MAST4: variants seen among roughly 807,000 people sequenced by gnomAD.
The protein encoded by MAST4 is microtubule associated serine/threonine kinase family member 4.
A neutral mutation model predicts 162.7 loss-of-function variants in MAST4; 89 were observed. That is an observed-to-expected ratio of 0.55 (90% CI 0.46 to 0.65). MAST4 has a LOEUF of 0.65. Ranked by LOEUF, MAST4 falls within the 30% of genes least tolerant of loss-of-function variation. MAST4 has a pLI of 0.00. For synonymous variants in MAST4, 1,479 were observed against 1,361.1 expected (o/e 1.09, Z -1.91); for missense variants, 3,153 against 3,374.0 (o/e 0.93, Z 1.62).
In MAST4 at chr5:66,825,475, G is replaced by A. The variant is rs139425928; in HGVS notation, c.642+36681G>A. Among the ~76,000 whole-genome samples the A allele has an allele frequency of 6.1e-3, 929 of 152,250 alleles. 8 individuals carry two copies. The highest frequency in any genetic ancestry group is 0.021 in the African/African-American group (884 of 41,524). On this transcript the variant is annotated intron_variant, in intron 3 of 28. Coordinates refer to ENST00000403625, the MANE Select transcript of MAST4 (RefSeq NM_001164664.2). ...GACTGCATGTGAAAAATATCTGGCCGTGTAAATCAGAGGGGAACCCATATC... is the reference window on the plus strand; with the variant it reads ...GACTGCATGTGAAAAATATCTGGCCATGTAAATCAGAGGGGAACCCATATC...
intron 4 of MAST4, among the ~76,000 whole-genome samples, chr5:66,954,314 C>A (rs1745041242): frequency 6.6e-6 from 1 of 152,166 alleles, no homozygotes; most frequent in African/African-American, 2.4e-5. Flanking sequence ...TCTCCATTTT[C>A]TTAAGACCAC....
chr5:66,899,949 A>G lies in MAST4; in HGVS notation c.643-2A>G. 6.6e-7 allele frequency: 1 copy of G among 1,514,938 alleles called. No individual in the cohort carries two copies. Among genetic ancestry groups the G allele is most frequent in the Non-Finnish European group, 8.8e-7 (1 of 1,134,088 alleles). 93.8% of individuals were successfully genotyped at this position (1,514,938 alleles called of 1,614,324 possible). A position where few individuals can be genotyped will look rare whatever the true frequency, so the allele number is the denominator to read the frequency against. ...TATATATGGTTTTTTTTTCTTTTGCAGAAGGAGCTGAGTCTCCCCAGAAGA... is the reference window on the plus strand; with the variant it reads ...TATATATGGTTTTTTTTTCTTTTGCGGAAGGAGCTGAGTCTCCCCAGAAGA... On this transcript the variant is annotated splice_acceptor_variant, in intron 3 of 28. Coordinates refer to ENST00000403625, the MANE Select transcript of MAST4 (RefSeq NM_001164664.2). LOFTEE classifies it high-confidence loss of function.
At chr5:66,901,994 T>A (rs1386928412) in intron 4 of MAST4, among the ~76,000 whole-genome samples, 1 of 152,150 alleles carries the variant, frequency 6.6e-6, no homozygotes, top group Non-Finnish European at 1.5e-5. Flanking sequence ...CAAATATATC[T>A]TTATTAGTAT....
At chr5:66,985,758 A>G (rs1239406383) in intron 4 of MAST4, among the ~76,000 whole-genome samples, 1 of 152,192 alleles carries the variant, frequency 6.6e-6, no homozygotes, top group Admixed American at 6.5e-5. Context: ...GAAGGTAAAA[A>G]TAACTTTCAT....
At chr5:66,715,427 C>T (rs1378314437) in intron 1 of MAST4, among the ~76,000 whole-genome samples, 1 of 147,972 alleles carries the variant, frequency 6.8e-6, no homozygotes, top group African/African-American at 2.5e-5. Context: ...AGGGCCACAG[C>T]TATCACAACA....
chr5:66,910,729 G>GTT (rs796681892), intron 4 of MAST4, among the ~76,000 whole-genome samples: 1 of 112,806 alleles, frequency 8.9e-6, no homozygotes, highest in Non-Finnish European at 1.7e-5. Flanking sequence ...TACACATGTG[G>GTT]TTTTTTTTTT....
intron 20 of MAST4, 62 bp from the exon 21 acceptor site, chr5:67,142,359 T>A: frequency 1.3e-6 from 2 of 1,512,624 alleles, no homozygotes; most frequent in Non-Finnish European, 1.8e-6. Flanking sequence ...AAAATCATAA[T>A]TAAAATATCT....
intron 4 of MAST4, among the ~76,000 whole-genome samples, chr5:67,034,276 C>G (rs1372291069): frequency 6.6e-6 from 1 of 152,136 alleles, no homozygotes. Flanking sequence ...TTGAAATGCT[C>G]TTTGTCACCA....
rs1357788363 is a variant in MAST4 at position 66,917,146 on chromosome 5, A to AATCT, written c.674+17165_674+17168dup. The AATCT allele has an allele frequency of 1.5e-4, 94 of 639,128 alleles. 7 individuals are homozygous for AATCT. The South Asian group carries it at 1.8e-3, about 12-fold the overall frequency. 39.6% of individuals were successfully genotyped at this position (639,128 alleles called of 1,614,324 possible). A position where few individuals can be genotyped will look rare whatever the true frequency, so the allele number is the denominator to read the frequency against. ...GATGTCACTGCCCTTAATTCTTTCC[A>AATCT]ATCTTATTACCCCTGGTCATTACTT... On this transcript the variant is annotated intron_variant, in intron 4 of 28. Coordinates refer to ENST00000403625, the MANE Select transcript of MAST4 (RefSeq NM_001164664.2).
In MAST4 at chr5:67,134,633, A is replaced by T. The variant is rs759088961; in HGVS notation, c.2337A>T (p.Gly779=). 1.1e-5 allele frequency: 18 copies of T among 1,613,632 alleles called. No homozygotes were observed. Among genetic ancestry groups the T allele is most frequent in the Admixed American group, 3.3e-5 (2 of 59,984 alleles). ...MGIILYEFLV[G]CVPFFGDTPE... is the part of the protein sequence containing the mutation. Reference sequence around the variant, plus strand: ...TTATCCTCTATGAATTTCTGGTTGGATGCGTGCCATTCTTTGGGGATACTC... The same window carrying T: ...TTATCCTCTATGAATTTCTGGTTGGTTGCGTGCCATTCTTTGGGGATACTC... Residue 779 remains glycine, a synonymous_variant, in exon 18 of 29, where the codon GGA becomes GGT. Transcript: ENST00000403625.
chr5:67,078,928 A>AATATATATATATATATATAT (rs1561622390), intron 5 of MAST4, among the ~76,000 whole-genome samples: 1 of 84,502 alleles, frequency 1.2e-5, no homozygotes. Context: ...ATATATATAT[A>AATATATATATATATATATAT]TATATATATA....
At chr5:66,898,515 T>C (rs779453455) in intron 3 of MAST4, among the ~76,000 whole-genome samples, 1 of 152,128 alleles carries the variant, frequency 6.6e-6, no homozygotes, top group Non-Finnish European at 1.5e-5. Context: ...TTTTAGTAAA[T>C]GAAGGTATAT....
At chr5:67,128,910 T>C (rs969510007) in intron 14 of MAST4, among the ~76,000 whole-genome samples, 37 of 152,202 alleles carry the variant, frequency 2.4e-4, no homozygotes, top group African/African-American at 8.7e-4. Context: ...CCCATGATAT[T>C]GACAGGTGAG....
chr5:66,905,347 G>T (rs1453668776), intron 4 of MAST4, among the ~76,000 whole-genome samples: 1 of 150,360 alleles, frequency 6.7e-6, no homozygotes, highest in African/African-American at 2.5e-5. Flanking sequence ...CCAGCAGCAG[G>T]AACCCAAGGC....
intron 1 of MAST4, among the ~76,000 whole-genome samples, chr5:66,749,049 G>C (rs954972539): frequency 6.6e-6 from 1 of 152,048 alleles, no homozygotes; most frequent in African/African-American, 2.4e-5. Flanking sequence ...TGCCTGAGAG[G>C]TGTCACTCAG....
At chr5:67,142,390 A>G in intron 20 of MAST4, 31 bp from the exon 21 acceptor site, 1 of 1,541,266 alleles carries the variant, frequency 6.5e-7, no homozygotes, top group Non-Finnish European at 8.9e-7. Flanking sequence ...AATCTGAGTA[A>G]TTGGACCTGT....
intron 4 of MAST4, among the ~76,000 whole-genome samples, chr5:66,977,845 G>A (rs1266716788): frequency 6.6e-6 from 1 of 152,192 alleles, no homozygotes; most frequent in Non-Finnish European, 1.5e-5. Context: ...GTATAGGTTT[G>A]TGCATTCCAG....
At chr5:66,642,510 G>A (rs75921159) in intron 1 of MAST4, among the ~76,000 whole-genome samples, 2,988 of 152,242 alleles carry the variant, frequency 0.02, 101 homozygotes, top group African/African-American at 0.068. Flanking sequence ...TGACATTGTG[G>A]TTATGTTTAA....
intron 4 of MAST4, among the ~76,000 whole-genome samples, chr5:66,935,200 C>T (rs1742606902): frequency 6.6e-6 from 1 of 152,154 alleles, no homozygotes; most frequent in Non-Finnish European, 1.5e-5. Flanking sequence ...TTCCCAGTAA[C>T]GATTCTTTGA....
Sources: allele counts gnomAD v4.1 joint callset (sites outside exome capture counted in the v4.1 genomes callset), GRCh38; gene constraint gnomAD v4.1.1; transcripts MANE v1.5; gene names NCBI Gene and HGNC (gene_info 2026-07-23, HGNC 2026-07-21).